KLHL13: variants seen among roughly 807,000 people sequenced by gnomAD.
KLHL13 encodes the protein kelch like family member 13, also known as kelch-like protein 13.
In KLHL13, 10 loss-of-function variants were observed where a neutral mutation model predicts 37.1. The observed-to-expected ratio is 0.27, with a 90% CI of 0.17 to 0.46. The LOEUF (loss-of-function observed/expected upper bound fraction) is 0.46. KLHL13 is among the 20% of genes least tolerant of loss of function. KLHL13 has a pLI of 1.00. For synonymous variants in KLHL13, 163 were observed against 181.2 expected, an observed-to-expected ratio of 0.90 and a Z score of 0.81; for missense variants, 360 against 509.3, an observed-to-expected ratio of 0.71 and a Z score of 2.82.
At chrX:117,953,983 A>G (rs1268141532) in intron 1 of KLHL13, among the ~76,000 whole-genome samples, 2 of 111,831 alleles carry the variant, frequency 1.8e-5, no homozygotes, top group Non-Finnish European at 3.8e-5. Flanking sequence ...AGAATTTCAC[A>G]TACTGATATC....
chrX:117,911,014 GA>G (rs1455511392), intron 4 of KLHL13, among the ~76,000 whole-genome samples: 1 of 110,758 alleles, frequency 9.0e-6, no homozygotes, highest in Non-Finnish European at 1.9e-5. Context: ...CTCATCAAAG[GA>G]AAAATAGGAA....
At chrX:118,043,231 T>C (rs749363546) in intron 1 of KLHL13, among the ~76,000 whole-genome samples, 27 of 111,446 alleles carry the variant, frequency 2.4e-4, no homozygotes, top group African/African-American at 8.8e-4. Flanking sequence ...AGTAATGAGA[T>C]TGCAACTGTA....
chrX:117,986,983 C>T (rs1417170852), intron 1 of KLHL13, among the ~76,000 whole-genome samples: 2 of 111,124 alleles, frequency 1.8e-5, no homozygotes, highest in East Asian at 5.7e-4. Context: ...ATAGTGCACG[C>T]TAATCTTAGT....
chrX:117,972,487 G>A (rs1346601030), intron 1 of KLHL13, among the ~76,000 whole-genome samples: 2 of 112,712 alleles, frequency 1.8e-5, no homozygotes, highest in Non-Finnish European at 3.8e-5. Flanking sequence ...CCTTAGGTAT[G>A]CCTTTGTACT....
chrX:118,110,580 T>G (rs1204356129), intron 1 of KLHL13, among the ~76,000 whole-genome samples: 1 of 109,710 alleles, frequency 9.1e-6, no homozygotes, highest in Non-Finnish European at 1.9e-5. Context: ...GGTTTCACCA[T>G]GTTGGTCAGG....
chrX:118,115,120 G>C, intron 1 of KLHL13, among the ~76,000 whole-genome samples: 1 of 112,597 alleles, frequency 8.9e-6, no homozygotes, highest in Non-Finnish European at 1.9e-5. Flanking sequence ...AGAACTTGCA[G>C]TTAAGGGAGC....
At chrX:117,930,242 G>GAGGAAGGAAGGAAGGAAGGGAGGA (rs1932346916) in intron 2 of KLHL13, among the ~76,000 whole-genome samples, 21 of 63,002 alleles carry the variant, frequency 3.3e-4, no homozygotes, top group Non-Finnish European at 5.9e-4. Flanking sequence ...GGAAGGAAGG[G>GAGGAAGGAAGGAAGGAAGGGAGGA]AGGAAGGAAG....
intron 2 of KLHL13, among the ~76,000 whole-genome samples, chrX:117,942,031 G>A (rs980835502): frequency 8.9e-6 from 1 of 111,782 alleles, no homozygotes; most frequent in Non-Finnish European, 1.9e-5. Context: ...GGTATGTTGT[G>A]TCTTTGTTCT....
intron 1 of KLHL13, among the ~76,000 whole-genome samples, chrX:117,966,824 T>G (rs2053441557): frequency 8.9e-6 from 1 of 111,881 alleles, no homozygotes. Flanking sequence ...ATTCCCTATT[T>G]AATAAATGGT....
chrX:117,934,773 T>G (rs1569419712), intron 2 of KLHL13, among the ~76,000 whole-genome samples: 2 of 110,654 alleles, frequency 1.8e-5, no homozygotes, highest in Non-Finnish European at 3.8e-5. Flanking sequence ...AGGATTTCTT[T>G]TTCTTTTGTT....
chrX:117,966,334 T>G (rs753012823), intron 1 of KLHL13, among the ~76,000 whole-genome samples: 1,503 of 110,753 alleles, frequency 0.014, 19 homozygotes, highest in African/African-American at 0.046. Context: ...ATAAAATACC[T>G]AGGAATCCAA....
intron 1 of KLHL13, among the ~76,000 whole-genome samples, chrX:117,986,712 A>G (rs2147938200): frequency 8.9e-6 from 1 of 111,772 alleles, no homozygotes; most frequent in African/African-American, 3.2e-5. Flanking sequence ...AACTCAACCC[A>G]TTCTTCCAGA....
intron 1 of KLHL13, among the ~76,000 whole-genome samples, chrX:118,088,335 T>C (rs775320434): frequency 2.7e-5 from 3 of 112,212 alleles, no homozygotes; most frequent in Admixed American, 9.5e-5. Context: ...ATGTATACGT[T>C]AATCATTACT....
chrX:117,934,268 A>G (rs5956816), intron 2 of KLHL13, among the ~76,000 whole-genome samples: 17,988 of 110,205 alleles, frequency 0.16, 2,010 homozygotes, highest in African/African-American at 0.4. Flanking sequence ...ATTTGCACAC[A>G]TCCCCCTGAA....
At chrX:118,015,258 C>G in intron 1 of KLHL13, among the ~76,000 whole-genome samples, 1 of 111,656 alleles carries the variant, frequency 9.0e-6, no homozygotes, top group Non-Finnish European at 1.9e-5. Context: ...AAAAATGTAT[C>G]AGAAGACTAG....
intron 1 of KLHL13, among the ~76,000 whole-genome samples, chrX:118,033,592 A>G (rs184421569): frequency 2.7e-5 from 3 of 110,809 alleles, no homozygotes; most frequent in Admixed American, 1.9e-4. Flanking sequence ...TGAAGGAAGC[A>G]CTAAACATGG....
chrX:118,002,849 G>T (rs1287864889), intron 1 of KLHL13, among the ~76,000 whole-genome samples: 3 of 111,490 alleles, frequency 2.7e-5, no homozygotes, highest in Non-Finnish European at 3.8e-5. Context: ...GTCCAACAAA[G>T]ATCTAATTTC....
chrX:118,086,317 C>T (rs953917057), intron 1 of KLHL13, among the ~76,000 whole-genome samples: 1 of 111,188 alleles, frequency 9.0e-6, no homozygotes, highest in South Asian at 3.8e-4. Flanking sequence ...GGTAGACCTA[C>T]TTTTAGTTCT....
chrX:117,944,768 A>C (rs2147800115), intron 2 of KLHL13, among the ~76,000 whole-genome samples: 1 of 111,893 alleles, frequency 8.9e-6, no homozygotes, highest in Admixed American at 9.5e-5. Flanking sequence ...ATGTCCACAA[A>C]GGTCAGAAGT....
Sources: gnomAD v4.1 joint callset for allele counts (sites outside exome capture counted in the v4.1 genomes callset) on GRCh38, gnomAD v4.1.1 for gene constraint, MANE v1.5 for transcripts, NCBI Gene and HGNC (gene_info 2026-07-23, HGNC 2026-07-21) for gene names.